FAM13A: variants seen among roughly 807,000 people sequenced by gnomAD.
FAM13A encodes family with sequence similarity 13 member A.
In FAM13A, 76 loss-of-function variants were observed where a neutral mutation model predicts 129.6. The ratio of observed to expected loss-of-function variants is 0.59; its 90% CI spans 0.49 to 0.71. FAM13A has a LOEUF of 0.71. Ranked by LOEUF, FAM13A falls within the 30% of genes least tolerant of loss-of-function variation. The pLI is 0.00. For synonymous variants in FAM13A, 443 were observed against 449.9 expected (o/e 0.98, Z 0.20); for missense variants, 1,108 against 1,249.3 (o/e 0.89, Z 1.70).
At chr4:88,731,563 G>A in intron 22 of FAM13A, 135 bp from the exon 23 acceptor site, 1 of 531,010 alleles carries the variant, frequency 1.9e-6, no homozygotes, top group Admixed American at 3.7e-5. Flanking sequence ...GCATTGAGGG[G>A]GCGCGGAAAT....
intron 11 of FAM13A, among the ~76,000 whole-genome samples, chr4:88,778,684 G>A (rs1322184756): frequency 1.3e-5 from 2 of 152,174 alleles, no homozygotes; most frequent in Admixed American, 1.3e-4. Flanking sequence ...GCATCACCAA[G>A]TTTAAGTAAG....
chr4:88,928,903 T>A (rs755428309), intron 5 of FAM13A, among the ~76,000 whole-genome samples: 145 of 152,316 alleles, frequency 9.5e-4, no homozygotes, highest in Non-Finnish European at 1.2e-3. Context: ...TAATTTTGTC[T>A]TTGTGGTTTG....
intron 2 of FAM13A, among the ~76,000 whole-genome samples, chr4:89,025,662 T>A (rs1397813594): frequency 1.3e-5 from 2 of 152,132 alleles, no homozygotes; most frequent in Non-Finnish European, 2.9e-5. Context: ...GGTAGAACGG[T>A]GTGCAGAGGA....
intron 2 of FAM13A, among the ~76,000 whole-genome samples, chr4:89,025,243 T>C (rs12641182): frequency 7.1e-5 from 8 of 112,526 alleles, no homozygotes; most frequent in Admixed American, 9.7e-5. Flanking sequence ...CATGGAATCA[T>C]TGTTTTTTTT....
intron 4 of FAM13A, among the ~76,000 whole-genome samples, chr4:88,972,376 A>C (rs1248192036): frequency 6.8e-6 from 1 of 147,220 alleles, no homozygotes; most frequent in Non-Finnish European, 1.5e-5. Flanking sequence ...ATCTCGCCTC[A>C]CTGCAACCTC....
chr4:88,974,172 G>T (rs1311033715), intron 4 of FAM13A, among the ~76,000 whole-genome samples: 2 of 152,168 alleles, frequency 1.3e-5, no homozygotes, highest in Non-Finnish European at 2.9e-5. Flanking sequence ...AGATGACTCA[G>T]TGGCCCTAGA....
chr4:88,975,892 A>G (rs1760836196), intron 4 of FAM13A, among the ~76,000 whole-genome samples: 1 of 152,186 alleles, frequency 6.6e-6, no homozygotes, highest in Non-Finnish European at 1.5e-5. Context: ...AAAGGACAAA[A>G]CACCAGTCCA....
At chr4:89,044,132 A>T (rs1482066678) in intron 1 of FAM13A, among the ~76,000 whole-genome samples, 2 of 151,164 alleles carry the variant, frequency 1.3e-5, no homozygotes, top group Non-Finnish European at 3.0e-5. Context: ...GAAAAGACAC[A>T]ACACATAGAA....
chr4:89,046,931 G>T (rs1770932683), intron 1 of FAM13A, among the ~76,000 whole-genome samples: 1 of 152,168 alleles, frequency 6.6e-6, no homozygotes, highest in Admixed American at 6.5e-5. Flanking sequence ...TAAAAAAAAA[G>T]AAAGAAAAAA....
intron 4 of FAM13A, among the ~76,000 whole-genome samples, chr4:88,975,429 A>T (rs530584988): frequency 6.6e-6 from 1 of 152,278 alleles, no homozygotes; most frequent in Non-Finnish European, 1.5e-5. Context: ...GCCTCAATAT[A>T]TTTATTTTTG....
At chr4:88,950,897 C>T (rs1331577182) in intron 4 of FAM13A, among the ~76,000 whole-genome samples, 4 of 152,146 alleles carry the variant, frequency 2.6e-5, no homozygotes, top group African/African-American at 9.7e-5. Context: ...TGTTATTAAA[C>T]CACAAGACCC....
At chr4:88,963,444 C>A (rs905418026) in intron 4 of FAM13A, among the ~76,000 whole-genome samples, 1 of 151,970 alleles carries the variant, frequency 6.6e-6, no homozygotes, top group African/African-American at 2.4e-5. Flanking sequence ...ATTATAGGCA[C>A]CTGCCACCAT....
intron 6 of FAM13A, among the ~76,000 whole-genome samples, chr4:88,864,041 T>C (rs576619156): frequency 1.3e-5 from 2 of 152,334 alleles, no homozygotes; most frequent in East Asian, 3.9e-4. Flanking sequence ...ATTGCGATAA[T>C]AGAATTCGAG....
intron 6 of FAM13A, among the ~76,000 whole-genome samples, chr4:88,885,014 A>G (rs1744179688): frequency 6.6e-6 from 1 of 152,204 alleles, no homozygotes; most frequent in South Asian, 2.1e-4. Flanking sequence ...GCACAAACAA[A>G]TGGAAACACA....
At chr4:88,842,672 A>G (rs1736025582) in intron 7 of FAM13A, among the ~76,000 whole-genome samples, 2 of 152,232 alleles carry the variant, frequency 1.3e-5, no homozygotes, top group South Asian at 4.1e-4. Context: ...ACTAAAATAA[A>G]TTCAGCTAAG....
intron 8 of FAM13A, among the ~76,000 whole-genome samples, chr4:88,803,966 T>C (rs1393792026): frequency 3.3e-5 from 5 of 152,112 alleles, no homozygotes; most frequent in African/African-American, 9.7e-5. Flanking sequence ...TAAAAAGCAG[T>C]AGACTTCAGG....
At chr4:88,954,554 A>G (rs1451521973) in intron 4 of FAM13A, among the ~76,000 whole-genome samples, 1 of 152,156 alleles carries the variant, frequency 6.6e-6, no homozygotes, top group Non-Finnish European at 1.5e-5. Flanking sequence ...CCTATACAAA[A>G]AATAATAGGA....
At chr4:88,770,578 A>G (rs11097196) in intron 11 of FAM13A, among the ~76,000 whole-genome samples, 13,093 of 152,236 alleles carry the variant, frequency 0.086, 989 homozygotes, top group East Asian at 0.32. Flanking sequence ...AAGAAATAAA[A>G]TAAAAAAGAA....
intron 7 of FAM13A, among the ~76,000 whole-genome samples, chr4:88,821,585 A>G (rs1029311355): frequency 6.6e-6 from 1 of 152,214 alleles, no homozygotes; most frequent in Non-Finnish European, 1.5e-5. Flanking sequence ...GTTCAGTAGT[A>G]GCCAATATTC....
Sources: allele counts gnomAD v4.1 joint callset (sites outside exome capture counted in the v4.1 genomes callset), GRCh38; gene constraint gnomAD v4.1.1; transcripts MANE v1.5; gene names NCBI Gene and HGNC (gene_info 2026-07-23, HGNC 2026-07-21).